Variants in FHOD3 observed in about 807,000 individuals in gnomAD.
FHOD3 encodes formin homology 2 domain containing 3.
FHOD3 carries 90 observed loss-of-function variants against 173.0 expected under a neutral mutation model. The observed-to-expected ratio is 0.52, with a 90% CI of 0.44 to 0.62. The LOEUF is 0.62. Among genes scored for constraint, FHOD3 ranks in the 20% least tolerant of loss-of-function variants. The probability of loss-of-function intolerance (pLI) is 0.00; values close to 1 mark genes in which losing one functional copy is unlikely to be tolerated. For missense variants in FHOD3, 1,945 were observed against 2,034.7 expected, an observed-to-expected ratio of 0.96 and a Z score of 0.85; for synonymous variants, 828 against 823.0, an observed-to-expected ratio of 1.01 and a Z score of -0.10.
At chr18:36,769,447 G>T in intron 28 of FHOD3, 21 bp downstream of exon 28, 1 of 1,611,716 alleles carries the variant, frequency 6.2e-7, no homozygotes, top group Non-Finnish European at 8.5e-7. Context: ...TAAAGGAGGG[G>T]CGAGCCTTCA....
At chr18:36,327,986 C>T (rs984020150) in intron 1 of FHOD3, among the ~76,000 whole-genome samples, 13 of 152,050 alleles carry the variant, frequency 8.5e-5, no homozygotes, top group African/African-American at 3.1e-4. Context: ...TCCCTTCAAG[C>T]CCCCCCACAA....
chr18:36,449,757 G>T (rs982742095), intron 3 of FHOD3, among the ~76,000 whole-genome samples: 12 of 151,954 alleles, frequency 7.9e-5, no homozygotes, highest in African/African-American at 2.4e-4. Flanking sequence ...AATTTTTCTC[G>T]ATGTATTAGG....
intron 8 of FHOD3, among the ~76,000 whole-genome samples, chr18:36,609,360 CAAA>C (rs34338484): frequency 2.4e-4 from 35 of 144,828 alleles, no homozygotes; most frequent in African/African-American, 4.8e-4. Context: ...GAGAATCAGC[CAAA>C]AAAAAAAAAA....
intron 28 of FHOD3, chr18:36,779,205 C>G (rs1367377332): frequency 1.8e-6 from 1 of 554,840 alleles, no homozygotes; most frequent in Non-Finnish European, 3.2e-6. Context: ...TCACTCCTCT[C>G]GGCCCTCCAA....
chr18:36,311,765 C>G (rs989647609), intron 1 of FHOD3, among the ~76,000 whole-genome samples: 3 of 152,212 alleles, frequency 2.0e-5, no homozygotes, highest in Admixed American at 1.3e-4. Flanking sequence ...GCCCTGGCCC[C>G]TGCCTGCCTC....
intron 1 of FHOD3, among the ~76,000 whole-genome samples, chr18:36,329,138 C>T (rs971798737): frequency 6.6e-5 from 10 of 152,154 alleles, no homozygotes; most frequent in Non-Finnish European, 1.3e-4. Flanking sequence ...AAACCACTTC[C>T]GTTGCTTCCT....
chr18:36,595,739 C>A (rs1372844308), intron 7 of FHOD3, among the ~76,000 whole-genome samples: 1 of 152,144 alleles, frequency 6.6e-6, no homozygotes, highest in Admixed American at 6.5e-5. Flanking sequence ...GTGCTGTGGA[C>A]CCCGTGATAT....
rs1264593332 is a variant in FHOD3, at chr18:36,465,841, AT to A, written c.338-36090del. On this transcript the variant is annotated intron_variant, in intron 3 of 28. Coordinates refer to ENST00000590592, the MANE Select transcript of FHOD3 (RefSeq NM_001281740.3). ...GAGAGAGGTGGTTTTTCCTTCTCTA[AT>A]CTAAATCCTTCTAAATTACATTAAC... Among the ~76,000 whole-genome samples, 4 of 152,108 alleles carry A rather than the reference AT, an allele frequency of 2.6e-5. No homozygotes were observed. The East Asian group carries it at 7.7e-4, about 29-fold the overall frequency.
chr18:36,406,910 C>T (rs551693505), intron 3 of FHOD3, among the ~76,000 whole-genome samples: 44 of 152,286 alleles, frequency 2.9e-4, no homozygotes, highest in Admixed American at 9.8e-4. Context: ...CCTACGCATC[C>T]GCCCTCCAGT....
At chr18:36,645,342 C>T (rs1002566812) in intron 10 of FHOD3, among the ~76,000 whole-genome samples, 1 of 152,168 alleles carries the variant, frequency 6.6e-6, no homozygotes, top group African/African-American at 2.4e-5. Context: ...ATCACTTGAA[C>T]TCAGGAATCA....
chr18:36,624,187 G>A (rs140576016), intron 9 of FHOD3, among the ~76,000 whole-genome samples: 280 of 152,290 alleles, frequency 1.8e-3, no homozygotes, highest in African/African-American at 6.6e-3. Context: ...ATGGATAGGG[G>A]AAGGCAGTCA....
intron 3 of FHOD3, among the ~76,000 whole-genome samples, chr18:36,379,644 T>G (rs544014449): frequency 6.8e-4 from 103 of 152,288 alleles, no homozygotes; most frequent in African/African-American, 2.4e-3. Flanking sequence ...TGCTGGCAGT[T>G]AGACTCCTAA....
At position 36,736,349 on chromosome 18, in the gene FHOD3, C is replaced by T. The variant is rs564474736; in HGVS notation, c.3577-4307C>T. On this transcript the variant is annotated intron_variant, in intron 20 of 28. Coordinates refer to ENST00000590592, the MANE Select transcript of FHOD3 (RefSeq NM_001281740.3). Reference sequence around the variant, plus strand: ...CTTTTCATGTGAGGTGGTTGCTCTCCACCAGTGAGGGCAGAGGGTCAGTGT... The same window carrying T: ...CTTTTCATGTGAGGTGGTTGCTCTCTACCAGTGAGGGCAGAGGGTCAGTGT... Among the ~76,000 whole-genome samples the T allele has an allele frequency of 2.6e-5, 4 of 152,338 alleles. No homozygotes were observed. The South Asian group carries it at 6.2e-4, about 24-fold the overall frequency.
chr18:36,608,877 G>A (rs2032362595), intron 8 of FHOD3, among the ~76,000 whole-genome samples: 1 of 152,200 alleles, frequency 6.6e-6, no homozygotes, highest in East Asian at 1.9e-4. Context: ...TCCTTGTAGA[G>A]ATGCATATGT....
chr18:36,659,998 C>T (rs191286730), intron 14 of FHOD3, among the ~76,000 whole-genome samples: 18 of 152,174 alleles, frequency 1.2e-4, no homozygotes, highest in South Asian at 4.1e-4. Flanking sequence ...AGCCTGGGCG[C>T]GGTGGCTCAC....
chr18:36,378,995 C>G (rs1237401219), intron 3 of FHOD3, among the ~76,000 whole-genome samples: 1 of 152,172 alleles, frequency 6.6e-6, no homozygotes, highest in Non-Finnish European at 1.5e-5. Context: ...AAGTCTAGTC[C>G]TTAAATGCTG....
rs575750463 is a variant in FHOD3, at chr18:36,303,814, A to T, written c.165+5814A>T. Among the ~76,000 whole-genome samples, 5 of 151,878 alleles carry T rather than the reference A, an allele frequency of 3.3e-5. No homozygotes were observed. The South Asian group carries it at 1.0e-3, about 32-fold the overall frequency. ...GTCCTCCTCTGCTGGCCATTTTCAG[A>T]GTCTTGGGTTTGTCAGCATCTGCTC... is the stretch of plus-strand genomic sequence containing the variant. On this transcript the variant is annotated intron_variant, in intron 1 of 28. Coordinates refer to ENST00000590592, the MANE Select transcript of FHOD3 (RefSeq NM_001281740.3).
At chr18:36,329,563 G>A (rs2044872702) in intron 1 of FHOD3, among the ~76,000 whole-genome samples, 1 of 152,174 alleles carries the variant, frequency 6.6e-6, no homozygotes, top group Non-Finnish European at 1.5e-5. Context: ...GGCCTGCTAT[G>A]GCCCTCTCAG....
chr18:36,349,217 A>G (rs1385824095), intron 1 of FHOD3, among the ~76,000 whole-genome samples: 1 of 152,186 alleles, frequency 6.6e-6, no homozygotes, highest in African/African-American at 2.4e-5. Context: ...TTCACCCTCC[A>G]GTGGGTAACC....
Sources: gnomAD v4.1 joint callset for allele counts (sites outside exome capture counted in the v4.1 genomes callset) on GRCh38, gnomAD v4.1.1 for gene constraint, MANE v1.5 for transcripts, NCBI Gene and HGNC (gene_info 2026-07-23, HGNC 2026-07-21) for gene names.